The following ACSM1 variants were observed in gnomAD, a reference collection of about 807,000 sequenced individuals.
ACSM1 encodes the protein acyl-CoA synthetase medium chain family member 1, also known as acyl-coenzyme A synthetase ACSM1, mitochondrial.
A neutral mutation model predicts 75.8 loss-of-function variants in ACSM1; 79 were observed. That is an observed-to-expected ratio of 1.04 (90% CI 0.87 to 1.26). ACSM1 has a LOEUF of 1.26. Ranked by LOEUF, ACSM1 falls within the 50% of genes most tolerant of loss-of-function variation. ACSM1 has a pLI of 0.00. For missense variants in ACSM1, 676 were observed against 720.1 expected, an observed-to-expected ratio of 0.94 and a Z score of 0.70; for synonymous variants, 279 against 265.8, an observed-to-expected ratio of 1.05 and a Z score of -0.48.
chr16:20,646,251 T>A (rs1455508317), intron 7 of ACSM1, among the ~76,000 whole-genome samples: 1 of 152,164 alleles, frequency 6.6e-6, no homozygotes, highest in Non-Finnish European at 1.5e-5. Flanking sequence ...CAAGGACACT[T>A]TTAAAAAGAT....
chr16:20,656,826 A>C (rs905406788), intron 7 of ACSM1, among the ~76,000 whole-genome samples: 2 of 151,962 alleles, frequency 1.3e-5, no homozygotes, highest in African/African-American at 4.8e-5. Context: ...GTGGGCATGT[A>C]AGATTGTAAG....
intron 7 of ACSM1, among the ~76,000 whole-genome samples, chr16:20,660,980 T>C (rs192822380): frequency 8.5e-4 from 129 of 152,310 alleles, no homozygotes; most frequent in African/African-American, 3.0e-3. Flanking sequence ...GCCCTGCTTA[T>C]ATAAAGAAGC....
At chr16:20,677,273 C>T (rs2152291916) in intron 4 of ACSM1, among the ~76,000 whole-genome samples, 1 of 151,548 alleles carries the variant, frequency 6.6e-6, no homozygotes, top group South Asian at 2.1e-4. Context: ...TTAGGACTGC[C>T]AGATCTAACT....
At chr16:20,678,759 C>T (rs796449463) in intron 4 of ACSM1, among the ~76,000 whole-genome samples, 8 of 152,306 alleles carry the variant, frequency 5.3e-5, no homozygotes, top group South Asian at 2.1e-4. Context: ...TCAGGTAAAG[C>T]GAAGAGCATG....
At chr16:20,662,543 G>T (rs1217797511) in intron 6 of ACSM1, among the ~76,000 whole-genome samples, 1 of 152,158 alleles carries the variant, frequency 6.6e-6, no homozygotes, top group Non-Finnish European at 1.5e-5. Flanking sequence ...TACACTAAGA[G>T]AGTGAAGAAC....
chr16:20,653,101 AT>A (rs1276214543), intron 7 of ACSM1, among the ~76,000 whole-genome samples: 3 of 152,228 alleles, frequency 2.0e-5, no homozygotes, highest in African/African-American at 7.2e-5. Context: ...GGTTCAACAT[AT>A]GCAAATCTAT....
At position 20,648,022 on chromosome 16, in the gene ACSM1, C is replaced by T. The variant is rs2018454753; in HGVS notation, c.993-7438G>A. ...AGCATGGGCTCCCAGAGCTCAGGAA[C>T]TTTGCAGCCTCCACAGTCGCGATGG... On this transcript the variant is annotated intron_variant, in intron 7 of 13. Coordinates refer to ENST00000520010, the MANE Select transcript of ACSM1 (RefSeq NM_001318890.3). This position sits in a 1 kb window ranked among gnomAD's most constrained non-coding sequence, Gnocchi z 4.2. Among the ~76,000 whole-genome samples, 1 of 152,190 alleles carries T rather than the reference C, an allele frequency of 6.6e-6. No homozygotes were observed. The highest frequency in any genetic ancestry group is 1.5e-5 in the Non-Finnish European group (1 of 68,028).
intron 3 of ACSM1, among the ~76,000 whole-genome samples, chr16:20,684,613 C>T (rs901958604): frequency 2.1e-4 from 32 of 152,208 alleles, no homozygotes; most frequent in Middle Eastern, 3.2e-3. Flanking sequence ...AAAAATGTCA[C>T]TGTCATGCAG....
Position 20,691,199 on chromosome 16 carries a change from T to A in ACSM1, c.-11A>T, listed in dbSNP as rs200267117. ...CATTAGCCACTGCATGGTGAAACAGTCCTCAGAAACCAGGCACAGAGTTCT... is the reference window on the plus strand; with the variant it reads ...CATTAGCCACTGCATGGTGAAACAGACCTCAGAAACCAGGCACAGAGTTCT... On this transcript the variant is annotated 5_prime_UTR_variant, in exon 2 of 14. Transcript: ENST00000520010. 1.3e-6 allele frequency: 2 copies of A among 1,555,000 alleles called. No homozygotes were observed. The highest frequency in any genetic ancestry group is 4.7e-5 in the East Asian group (2 of 42,130).
At chr16:20,663,822 G>A (rs1030144686) in intron 6 of ACSM1, among the ~76,000 whole-genome samples, 12 of 152,024 alleles carry the variant, frequency 7.9e-5, no homozygotes, top group Non-Finnish European at 1.3e-4. Flanking sequence ...TCCCCCTTCC[G>A]TGTATTTCTT....
At chr16:20,655,637 T>C (rs2018918242) in intron 7 of ACSM1, among the ~76,000 whole-genome samples, 1 of 152,158 alleles carries the variant, frequency 6.6e-6, no homozygotes, top group African/African-American at 2.4e-5. Flanking sequence ...AAGATTTTAT[T>C]ACAAATATTG....
intron 7 of ACSM1, among the ~76,000 whole-genome samples, 183 bp downstream of exon 7, chr16:20,661,611 C>T (rs1281898938): frequency 6.6e-6 from 1 of 152,176 alleles, no homozygotes; most frequent in African/African-American, 2.4e-5. Flanking sequence ...GCAAGGCTCA[C>T]TGAGTTTCCT....
intron 10 of ACSM1, among the ~76,000 whole-genome samples, chr16:20,629,990 C>CAAAAAAAA (rs558208317): frequency 8.6e-5 from 7 of 80,992 alleles, no homozygotes; most frequent in African/African-American, 7.7e-5. Context: ...GACTCCAACT[C>CAAAAAAAA]AAAAAAAAAA....
At chr16:20,660,725 C>G (rs1265362631) in intron 7 of ACSM1, among the ~76,000 whole-genome samples, 1 of 152,136 alleles carries the variant, frequency 6.6e-6, no homozygotes, top group African/African-American at 2.4e-5. Context: ...ACTTTTATGT[C>G]TAAAACATAT....
At chr16:20,674,004 CA>C (rs1262948127) in intron 4 of ACSM1, 1 of 400,442 alleles carries the variant, frequency 2.5e-6, no homozygotes, top group Non-Finnish European at 5.1e-6. Context: ...CATAGCAAAA[CA>C]GTGACATAAG....
chr16:20,664,765 C>G (rs2019480904), intron 6 of ACSM1, among the ~76,000 whole-genome samples: 1 of 152,078 alleles, frequency 6.6e-6, no homozygotes, highest in African/African-American at 2.4e-5. Flanking sequence ...TAAAGCAAGT[C>G]TCAATAAATT....
At chr16:20,663,507 C>T (rs2019400981) in intron 6 of ACSM1, among the ~76,000 whole-genome samples, 1 of 152,152 alleles carries the variant, frequency 6.6e-6, no homozygotes, top group Admixed American at 6.6e-5. Flanking sequence ...TTTGTAGCCT[C>T]CACGGCCTTG....
At chr16:20,633,926 A>C (rs1033022885) in intron 10 of ACSM1, among the ~76,000 whole-genome samples, 1 of 152,112 alleles carries the variant, frequency 6.6e-6, no homozygotes, top group African/African-American at 2.4e-5. Context: ...AGGAAATAAA[A>C]ATTTTTGAAA....
chr16:20,661,807 G>C lies in ACSM1; in HGVS notation c.979C>G (p.Gln327Glu). 6.2e-7 allele frequency: 1 copy of C among 1,609,634 alleles called. No homozygotes were observed. Among genetic ancestry groups the C allele is most frequent in the South Asian group, 1.1e-5 (1 of 90,682 alleles). Residue 327 changes from glutamine to glutamate, a missense_variant, in exon 7 of 14, where the codon CAG becomes GAG. Transcript: ENST00000520010. ...VSSIYRMILQ[Q>E]DFTSIRFPAL... The stretch of plus-strand genomic sequence containing the variant: ...CTTCTACCATACCTGGTGAAATCCT[G>C]CTGCAGAATCATTCGATATATAGAT...
Sources: gnomAD v4.1 joint callset for allele counts (sites outside exome capture counted in the v4.1 genomes callset) on GRCh38, gnomAD v4.1.1 for gene constraint, Gnocchi (gnomAD v3.1) non-coding constraint, MANE v1.5 for transcripts, NCBI Gene and HGNC (gene_info 2026-07-23, HGNC 2026-07-21) for gene names.